The following PPP2R5D variants were observed in gnomAD, a reference collection of about 807,000 sequenced individuals.
The protein encoded by PPP2R5D is protein phosphatase 2 regulatory subunit B'delta.
PPP2R5D carries 12 observed loss-of-function variants against 79.1 expected under a neutral mutation model. That is an observed-to-expected ratio of 0.15 (90% CI 0.10 to 0.25). The LOEUF (loss-of-function observed/expected upper bound fraction) is 0.25. PPP2R5D is among the 10% of genes least tolerant of loss of function. The probability of loss-of-function intolerance (pLI) is 1.00; values close to 1 mark genes in which losing one functional copy is unlikely to be tolerated. For missense variants in PPP2R5D, 419 were observed against 760.2 expected (o/e 0.55, Z 5.28); for synonymous variants, 277 against 286.6 (o/e 0.97, Z 0.34).
rs747197366 is a variant in PPP2R5D, at chr6:43,007,267, A to G, written c.594A>G (p.Glu198=). Residue 198 remains glutamate (E), a synonymous_variant, in exon 5 of 16, where the codon GAA becomes GAG. Coordinates refer to ENST00000485511, the MANE Select transcript of PPP2R5D (RefSeq NM_006245.4). This position sits in a 1 kb window ranked among gnomAD's most constrained non-coding sequence, Gnocchi z 4.5. The stretch of plus-strand genomic sequence containing the variant: ...CAGGGGCTGAGTTTGACCCAGAGGA[A>G]GATGAGCCCACCCTGGAAGCTGCTT... ...NPTGAEFDPE[E]DEPTLEAAWP... is the part of the protein sequence containing the mutation. 6.2e-7 allele frequency: 1 copy of G among 1,614,184 alleles called. No homozygotes were observed.
chr6:42,986,181 T>C (rs1448321210), intron 1 of PPP2R5D, among the ~76,000 whole-genome samples: 1 of 152,200 alleles, frequency 6.6e-6, no homozygotes, highest in Non-Finnish European at 1.5e-5. Context: ...TGTTTCCTGC[T>C]GTTGCTGAGG....
At chr6:42,996,902 T>C (rs913346572) in intron 2 of PPP2R5D, among the ~76,000 whole-genome samples, 4 of 152,234 alleles carry the variant, frequency 2.6e-5, no homozygotes, top group Admixed American at 2.6e-4. Flanking sequence ...GCAAAAGAGA[T>C]ATAATATTTA....
rs981252687 is a variant in PPP2R5D, at chr6:43,010,208, TG to T, written c.1380-257del. ...TAGTGTGGGTTAGAGTGGGAAAGGA[TG>T]GGAGGTAGGCAGGCCTTGGAGCATG... On this transcript the variant is annotated intron_variant, in intron 12 of 15. Transcript: ENST00000485511. The surrounding 1 kb of genome is among the most constrained non-coding windows in gnomAD (Gnocchi z 4.7). Among the ~76,000 whole-genome samples, 1 of 152,040 alleles carries T rather than the reference TG, an allele frequency of 6.6e-6. No individual in the cohort carries two copies. The highest frequency in any genetic ancestry group is 1.5e-5 in the Non-Finnish European group (1 of 68,026).
intron 2 of PPP2R5D, among the ~76,000 whole-genome samples, chr6:43,004,831 C>T (rs1761980294): frequency 6.6e-6 from 1 of 151,152 alleles, no homozygotes; most frequent in Non-Finnish European, 1.5e-5. Context: ...TCTTGGCTCA[C>T]TGCAACCTCC....
intron 1 of PPP2R5D, among the ~76,000 whole-genome samples, chr6:42,986,117 A>G (rs988650863): frequency 6.6e-6 from 1 of 151,620 alleles, no homozygotes; most frequent in Admixed American, 6.6e-5. Flanking sequence ...CACCTTCCTC[A>G]TCTACCTCGG....
chr6:43,012,175 C>A lies in PPP2R5D; in HGVS notation c.*889C>A. The A allele has an allele frequency of 9.0e-7, 1 of 1,109,532 alleles. No homozygotes were observed. The highest frequency in any genetic ancestry group is 1.1e-6 in the Non-Finnish European group (1 of 909,628). The allele number at this position is 1,109,532 out of a possible 1,614,324, so 68.7% of individuals were successfully genotyped here. A position where few individuals can be genotyped will look rare whatever the true frequency, so the allele number is the denominator to read the frequency against. ...GTCCCTTATAGGTACCTTGGAGGGG[C>A]CAGGGGCTGAGGAAGGCCGGACCCA... On this transcript the variant is annotated 3_prime_UTR_variant, in exon 16 of 16. Coordinates refer to ENST00000485511, the MANE Select transcript of PPP2R5D (RefSeq NM_006245.4).
chr6:43,000,752 T>TGCTCCTA (rs1772124806), intron 2 of PPP2R5D, among the ~76,000 whole-genome samples: 1 of 152,200 alleles, frequency 6.6e-6, no homozygotes, highest in African/African-American at 2.4e-5. Context: ...CCTAATGCTG[T>TGCTCCTA]ATAGCCCCCT....
Position 43,009,105 on chromosome 6 carries a change from G to A in PPP2R5D, c.1129G>A (p.Glu377Lys). Reference protein sequence around the residue: ...KFWPKTHSPKEVMFLNELEEI... With the variant: ...KFWPKTHSPKKVMFLNELEEI... ...TTGGCCCAAGACCCACAGCCCCAAG[G>A]AGGTGATGTTCTTGAATGAGCTGGA... The change falls in exon 11 of 16, where the codon GAG becomes AAG. Residue 377 changes from glutamate to lysine, a missense_variant. By Grantham distance (56) the Glu-to-Lys change is moderately conservative. Coordinates refer to ENST00000485511, the MANE Select transcript of PPP2R5D (RefSeq NM_006245.4). The surrounding 1 kb of genome is among the most constrained non-coding windows in gnomAD (Gnocchi z 5.6). The A allele has an allele frequency of 6.2e-7, 1 of 1,614,102 alleles. No homozygotes were observed. Among genetic ancestry groups the A allele is most frequent in the Non-Finnish European group, 8.5e-7 (1 of 1,180,018 alleles).
At chr6:42,995,479 C>T (rs1391061583) in intron 2 of PPP2R5D, among the ~76,000 whole-genome samples, 1 of 152,048 alleles carries the variant, frequency 6.6e-6, no homozygotes, top group African/African-American at 2.4e-5. Context: ...ACTCAGGGTG[C>T]TCACAGATGC....
intron 2 of PPP2R5D, among the ~76,000 whole-genome samples, chr6:43,000,004 C>T (rs566814776): frequency 5.1e-4 from 77 of 151,914 alleles, no homozygotes; most frequent in African/African-American, 1.7e-3. Flanking sequence ...GGCGTGAGCT[C>T]GGCTCACTGC....
chr6:42,986,471 AG>A (rs1314425283), intron 1 of PPP2R5D, among the ~76,000 whole-genome samples: 1 of 151,920 alleles, frequency 6.6e-6, no homozygotes, highest in African/African-American at 2.4e-5. Context: ...TCTGATTCTG[AG>A]TTGTCCCCTT....
intron 2 of PPP2R5D, among the ~76,000 whole-genome samples, chr6:43,002,450 A>G (rs983537226): frequency 1.3e-5 from 2 of 151,936 alleles, no homozygotes; most frequent in African/African-American, 4.9e-5. Context: ...GGTGTGAGCC[A>G]CCGTGCCTGG....
In PPP2R5D at chr6:43,009,584, C is replaced by A; in HGVS notation, c.1379+135C>A. On this transcript the variant is annotated intron_variant, in intron 12 of 15. Transcript: ENST00000485511. The surrounding 1 kb of genome is among the most constrained non-coding windows in gnomAD (Gnocchi z 5.6). ...TGATGTCCCCTGCATGTTGATAGGA[C>A]CTTGAGGGGCTGACTGGAGCGAAAA... 3 of 1,257,208 alleles carry A rather than the reference C, an allele frequency of 2.4e-6. No homozygotes were observed. The highest frequency in any genetic ancestry group is 1.4e-5 in the South Asian group (1 of 72,102). The allele number at this position is 1,257,208 out of a possible 1,614,324, so 77.9% of individuals were successfully genotyped here. A position where few individuals can be genotyped will look rare whatever the true frequency, so the allele number is the denominator to read the frequency against.
intron 2 of PPP2R5D, among the ~76,000 whole-genome samples, chr6:42,993,670 T>C (rs1771433804): frequency 6.6e-6 from 1 of 152,244 alleles, no homozygotes; most frequent in African/African-American, 2.4e-5. Context: ...TCTCTGCCTC[T>C]GTCTTCACAC....
Position 42,984,639 on chromosome 6 carries a change from C to A in PPP2R5D, c.-39C>A, listed in dbSNP as rs778310479. On this transcript the variant is annotated 5_prime_UTR_variant, in exon 1 of 16. Coordinates refer to ENST00000485511, the MANE Select transcript of PPP2R5D (RefSeq NM_006245.4). ...CGGCCGAGCAAAGCCGGAGCCGGAG[C>A]GGGGCCGCAGGAGACGGGCCGGGTC... 2 of 1,578,618 alleles carry A rather than the reference C, an allele frequency of 1.3e-6. No homozygotes were observed. The highest frequency in any genetic ancestry group is 2.3e-5 in the East Asian group (1 of 42,968).
At chr6:42,990,672 T>C (rs965679158) in intron 2 of PPP2R5D, among the ~76,000 whole-genome samples, 1 of 151,538 alleles carries the variant, frequency 6.6e-6, no homozygotes, top group Non-Finnish European at 1.5e-5. Context: ...GGAATTATTC[T>C]TTCCTCTGCA....
At chr6:42,996,983 AATTAT>A (rs1350608249) in intron 2 of PPP2R5D, among the ~76,000 whole-genome samples, 2 of 151,900 alleles carry the variant, frequency 1.3e-5, no homozygotes, top group East Asian at 1.9e-4. Flanking sequence ...ATAGTGCTTA[AATTAT>A]ATTGTTATCT....
At chr6:42,990,500 G>T (rs1771178586) in intron 2 of PPP2R5D, among the ~76,000 whole-genome samples, 2 of 152,036 alleles carry the variant, frequency 1.3e-5, no homozygotes, top group Non-Finnish European at 1.5e-5. Context: ...AAATGTTTGG[G>T]GTTAACTATG....
intron 1 of PPP2R5D, among the ~76,000 whole-genome samples, chr6:42,988,948 G>T (rs568381231): frequency 1.3e-5 from 2 of 152,172 alleles, no homozygotes; most frequent in Non-Finnish European, 2.9e-5. Flanking sequence ...CAGCTGCCAG[G>T]TTCCCAAAGG....
Sources: allele counts gnomAD v4.1 joint callset (sites outside exome capture counted in the v4.1 genomes callset), GRCh38; gene constraint gnomAD v4.1.1; non-coding constraint Gnocchi (gnomAD v3.1); transcripts MANE v1.5; gene names NCBI Gene and HGNC (gene_info 2026-07-23, HGNC 2026-07-21).